Variants in ITIH4 observed in about 807,000 individuals in gnomAD.
ITIH4 encodes the protein inter-alpha-trypsin inhibitor heavy chain 4.
ITIH4 carries 79 observed loss-of-function variants against 111.8 expected under a neutral mutation model. The observed-to-expected ratio is 0.71, with a 90% CI of 0.59 to 0.85. The LOEUF (loss-of-function observed/expected upper bound fraction) is 0.85. Among genes scored for constraint, ITIH4 ranks in the 40% least tolerant of loss-of-function variants. The pLI, the probability that ITIH4 is intolerant of heterozygous loss-of-function variation, is 0.00. For synonymous variants in ITIH4, 472 were observed against 468.3 expected, an observed-to-expected ratio of 1.01 and a Z score of -0.10; for missense variants, 1,065 against 1,195.8, an observed-to-expected ratio of 0.89 and a Z score of 1.61.
chr3:52,828,275 GAC>G (rs910580561), intron 2 of ITIH4, among the ~76,000 whole-genome samples: 19 of 152,356 alleles, frequency 1.2e-4, no homozygotes, highest in African/African-American at 4.6e-4. Flanking sequence ...GTCGAAGGCT[GAC>G]ACAGCCCGTG....
intron 13 of ITIH4, 33 bp from the exon 14 acceptor site, chr3:52,820,350 C>T (rs769777521): frequency 1.9e-5 from 30 of 1,601,374 alleles, no homozygotes; most frequent in East Asian, 2.2e-5. Context: ...GAGAGACAGA[C>T]AGACAGAGAC....
Position 52,813,543 on chromosome 3 carries a change from G to A in ITIH4, c.2724-53C>T, listed in dbSNP as rs550339176. 2.6e-4 allele frequency: 398 copies of A among 1,520,356 alleles called. 4 individuals carry two copies. In the East Asian group the frequency reaches 8.8e-3, roughly 34 times the overall value. The allele number at this position is 1,520,356 out of a possible 1,614,324, so 94.2% of individuals were successfully genotyped here. On this transcript the variant is annotated intron_variant, in intron 23 of 23. Transcript: ENST00000266041. ...AGGTGGTCAGCAAATCTCAGGTGTGGTGCGAAAAGAGGGAGACAGCTGGGG... is the reference window on the plus strand; with the variant it reads ...AGGTGGTCAGCAAATCTCAGGTGTGATGCGAAAAGAGGGAGACAGCTGGGG...
At position 52,822,975 on chromosome 3, in the gene ITIH4, G is replaced by T. The variant is rs556699543; in HGVS notation, c.1539+581C>A. Among the ~76,000 whole-genome samples the T allele has an allele frequency of 3.3e-5, 5 of 152,302 alleles. No homozygotes were observed. The East Asian group carries it at 9.7e-4, about 29-fold the overall frequency. On this transcript the variant is annotated intron_variant, in intron 11 of 23. Coordinates refer to ENST00000266041, the MANE Select transcript of ITIH4 (RefSeq NM_002218.5). ...TCCCAGCCTGTAGCTGGTTTGTGTGGTGATATGTCCTTGGGTTGTCTCTCC... is the reference window on the plus strand; with the variant it reads ...TCCCAGCCTGTAGCTGGTTTGTGTGTTGATATGTCCTTGGGTTGTCTCTCC...
In ITIH4 at chr3:52,826,342, G is replaced by A. The variant is rs369434451; in HGVS notation, c.630+199C>T. Among the ~76,000 whole-genome samples, 690 of 152,300 alleles carry A rather than the reference G, an allele frequency of 4.5e-3. 8 individuals carry two copies. The highest frequency in any genetic ancestry group is 7.7e-3 in the Non-Finnish European group (523 of 68,028). ...CCCAGACAGATCTCAGGGCTCATACGAGGACGCCATGGTCCTTCTCTAGGC... is the reference window on the plus strand; with the variant it reads ...CCCAGACAGATCTCAGGGCTCATACAAGGACGCCATGGTCCTTCTCTAGGC... On this transcript the variant is annotated intron_variant, in intron 5 of 23. Coordinates refer to ENST00000266041, the MANE Select transcript of ITIH4 (RefSeq NM_002218.5).
chr3:52,830,501 C>T (rs749823516), intron 1 of ITIH4, 52 bp downstream of exon 1: 3 of 1,537,616 alleles, frequency 2.0e-6, no homozygotes, highest in Non-Finnish European at 2.7e-6. Context: ...TCCCCACTTC[C>T]CAGGCGTTCT....
intron 13 of ITIH4, 100 bp from the exon 14 acceptor site, chr3:52,820,417 T>C: frequency 1.5e-6 from 2 of 1,347,600 alleles, no homozygotes. Flanking sequence ...TGTTTAATCT[T>C]GCTACCCAAT....
In ITIH4 at chr3:52,823,807, TG is replaced by T; in HGVS notation, c.1353+15del. 1 of 1,613,886 alleles carries T rather than the reference TG, an allele frequency of 6.2e-7. No individual in the cohort carries two copies. The highest frequency in any genetic ancestry group is 8.5e-7 in the Non-Finnish European group (1 of 1,179,968). ...TGCCCACTTCTCTGTGCAGCCCACC[TG>T]GGGCACACTGGCACCTGGAGCTGCA... On this transcript the variant is annotated intron_variant, in intron 10 of 23. Transcript: ENST00000266041.
At chr3:52,816,494 C>T (rs977483404) in intron 21 of ITIH4, among the ~76,000 whole-genome samples, 1 of 152,198 alleles carries the variant, frequency 6.6e-6, no homozygotes, top group Middle Eastern at 3.2e-3. Flanking sequence ...CATCTGACGG[C>T]AAAGTGCTCC....
In ITIH4 at chr3:52,824,515, C is replaced by G; in HGVS notation, c.927G>C (p.Gln309His). ...KILDDLSPRD[Q>H]FNLIVFSTEA... Reference sequence around the variant, plus strand: ...CTGTACTGAAGACGATGAGGTTGAACTGGTCTCTGGGGCTGAGGTCATCCA... The same window carrying G: ...CTGTACTGAAGACGATGAGGTTGAAGTGGTCTCTGGGGCTGAGGTCATCCA... Residue 309 changes from glutamine (Q) to histidine (H), a missense_variant, in exon 8 of 24, where the codon CAG (glutamine) becomes CAC (histidine). Coordinates refer to ENST00000266041, the MANE Select transcript of ITIH4 (RefSeq NM_002218.5). The surrounding 1 kb of genome is among the most constrained non-coding windows in gnomAD (Gnocchi z 4.3). 6.2e-7 allele frequency: 1 copy of G among 1,614,102 alleles called. No individual in the cohort carries two copies. The highest frequency in any genetic ancestry group is 8.5e-7 in the Non-Finnish European group (1 of 1,180,028).
Position 52,823,961 on chromosome 3 carries a change from A to G in ITIH4, c.1215T>C (p.Ala405=). 3 of 1,591,664 alleles carry G rather than the reference A, an allele frequency of 1.9e-6. No individual in the cohort carries two copies. Among genetic ancestry groups the G allele is most frequent in the South Asian group, 2.3e-5 (2 of 86,252 alleles). The change falls in exon 10 of 24, where the codon GCT becomes GCC. Residue 405 remains alanine (A), a synonymous_variant. Coordinates refer to ENST00000266041, the MANE Select transcript of ITIH4 (RefSeq NM_002218.5). ...AGAAGAGGCTGTACCGGCCACTTAC[A>G]GCTTCCCGCACGTTATTCTGGATGC... ...PRSIQNNVRE[A]VSGRYSLFCL...
intron 1 of ITIH4, 46 bp from the exon 2 acceptor site, chr3:52,829,325 T>G (rs765575955): frequency 3.6e-5 from 56 of 1,561,498 alleles, no homozygotes; most frequent in Non-Finnish European, 4.6e-5. Flanking sequence ...CAATGCCACC[T>G]CAGCTCGGGG....
Position 52,826,898 on chromosome 3 carries a change from C to T in ITIH4, c.412G>A (p.Ala138Thr). ...FQVSVSVAPN[A>T]KITFELVYEE... ...TAGACCAGCTCAAAGGTGATCTTGGCATTGGGAGCCACACTGACCGACACC... is the reference window on the plus strand; with the variant it reads ...TAGACCAGCTCAAAGGTGATCTTGGTATTGGGAGCCACACTGACCGACACC... Residue 138 changes from alanine (A) to threonine (T), a missense_variant, in exon 4 of 24, where the codon GCC becomes ACC. Ala to Thr is a moderately conservative substitution (Grantham distance 58). Coordinates refer to ENST00000266041, the MANE Select transcript of ITIH4 (RefSeq NM_002218.5). The T allele has an allele frequency of 6.2e-7, 1 of 1,614,130 alleles. No homozygotes were observed. The highest frequency in any genetic ancestry group is 8.5e-7 in the Non-Finnish European group (1 of 1,180,032).
In ITIH4 at chr3:52,819,513, C is replaced by T. The variant is rs1203790426; in HGVS notation, c.1957G>A (p.Ala653Thr). Reference sequence around the variant, plus strand: ...CTGAAATTCATCCGGGAGCCAGCAGCTCCAGCTTTGGAGAAATCGACAGAT... The same window carrying T: ...CTGAAATTCATCCGGGAGCCAGCAGTTCCAGCTTTGGAGAAATCGACAGAT... ...PRRGWNRQAG[A>T]AGSRMNFRPG... Residue 653 changes from alanine to threonine, a missense_variant, in exon 17 of 24, where the codon GCT becomes ACT. Physicochemically the swap from Ala to Thr is moderately conservative, Grantham distance 58. Transcript: ENST00000266041. The T allele has an allele frequency of 1.2e-6, 2 of 1,614,010 alleles. No individual in the cohort carries two copies. Among genetic ancestry groups the T allele is most frequent in the African/African-American group, 2.7e-5 (2 of 74,926 alleles).
intron 2 of ITIH4, among the ~76,000 whole-genome samples, chr3:52,828,515 G>C (rs576545288): frequency 6.6e-6 from 1 of 152,344 alleles, no homozygotes; most frequent in Admixed American, 6.5e-5. Flanking sequence ...GCTTTTCCTG[G>C]CAGCAAGGGA....
intron 18 of ITIH4, 57 bp downstream of exon 18, chr3:52,818,405 G>C: frequency 1.3e-6 from 2 of 1,576,754 alleles, no homozygotes. Context: ...ACATGTGACA[G>C]GTCACTCCCC....
In ITIH4 at chr3:52,818,442, G is replaced by A; in HGVS notation, c.2152+20C>T. ...CCCAGGATCCCCCTGTTAGGACAGG[G>A]CCTCTGGCCTTGGGGGCACCTTCGA... On this transcript the variant is annotated intron_variant, in intron 18 of 23. Transcript: ENST00000266041. 1 of 1,593,840 alleles carries A rather than the reference G, an allele frequency of 6.3e-7. No individual in the cohort carries two copies.
rs377222475 is a variant in ITIH4, at chr3:52,824,956, G to C, written c.762C>G (p.Ile254Met). The part of the protein sequence containing the change: ...DRAISGGSIQ[I>M]ENGYFVHYFA... ...AGTAGTGTACAAAGTAGCCGTTCTC[G>C]ATCTGTGGCCAGAGTGAGACCCACC... Residue 254 changes from isoleucine to methionine, a missense_variant and splice_region_variant, in exon 7 of 24, where the codon ATC becomes ATG. By Grantham distance (10) the Ile-to-Met change is conservative. Transcript: ENST00000266041. This position sits in a 1 kb window ranked among gnomAD's most constrained non-coding sequence, Gnocchi z 4.3. 4.4e-6 allele frequency: 7 copies of C among 1,606,354 alleles called. No individual in the cohort carries two copies. In the East Asian group the frequency reaches 8.9e-5, roughly 21 times the overall value.
chr3:52,818,982 G>A (rs2043800971), intron 17 of ITIH4: 2 of 293,076 alleles, frequency 6.8e-6, no homozygotes, highest in Non-Finnish European at 1.3e-5. Context: ...TCCAAAGAGC[G>A]CTGTGATGTG....
Position 52,818,483 on chromosome 3 carries a change from C to A in ITIH4, c.2131G>T (p.Val711Phe), listed in dbSNP as rs1188576627. ...GCACCTTCGATTTTCATATTCATGACACGAGACACAGCTGGATCAGGATTT... is the reference window on the plus strand; with the variant it reads ...GCACCTTCGATTTTCATATTCATGAAACGAGACACAGCTGGATCAGGATTT... ...TSNPDPAVSRVMNMKIEETTM... is the reference protein window; with the variant it reads ...TSNPDPAVSRFMNMKIEETTM... The change falls in exon 18 of 24, where the codon GTC (valine) becomes TTC (phenylalanine). Residue 711 changes from valine (V) to phenylalanine (F), a missense_variant. Val to Phe is a conservative substitution (Grantham distance 50, BLOSUM62 -1). Coordinates refer to ENST00000266041, the MANE Select transcript of ITIH4 (RefSeq NM_002218.5). 2 of 1,605,006 alleles carry A rather than the reference C, an allele frequency of 1.2e-6. No individual in the cohort carries two copies. Among genetic ancestry groups the A allele is most frequent in the South Asian group, 2.2e-5 (2 of 89,504 alleles).
Sources: gnomAD v4.1 joint callset for allele counts (sites outside exome capture counted in the v4.1 genomes callset) on GRCh38, gnomAD v4.1.1 for gene constraint, Gnocchi (gnomAD v3.1) non-coding constraint, MANE v1.5 for transcripts, NCBI Gene and HGNC (gene_info 2026-07-23, HGNC 2026-07-21) for gene names.